TXNRD3: variants seen among roughly 807,000 people sequenced by gnomAD.
The protein encoded by TXNRD3 is TXNRD3 neighbor gene protein.
In TXNRD3, 68 loss-of-function variants were observed where a neutral mutation model predicts 78.2. That is an observed-to-expected ratio of 0.87 (90% confidence interval 0.72 to 1.06). The LOEUF is 1.06. TXNRD3 is among the 50% of genes least tolerant of loss of function. TXNRD3 has a pLI of 0.00. For missense variants in TXNRD3, 751 were observed against 809.5 expected, an observed-to-expected ratio of 0.93 and a Z score of 0.88; for synonymous variants, 296 against 300.1, an observed-to-expected ratio of 0.99 and a Z score of 0.14.
chr3:126,644,832 C>G (rs753285476), intron 3 of TXNRD3, among the ~76,000 whole-genome samples: 2 of 152,226 alleles, frequency 1.3e-5, no homozygotes, highest in Non-Finnish European at 2.9e-5. Context: ...GTCATGGCTT[C>G]TCATAAATCG....
intron 6 of TXNRD3, among the ~76,000 whole-genome samples, chr3:126,636,294 T>C (rs141348885): frequency 3.7e-4 from 57 of 152,330 alleles, no homozygotes; most frequent in African/African-American, 1.2e-3. Context: ...ACATAACTCA[T>C]ACATTTAAAA....
intron 6 of TXNRD3, among the ~76,000 whole-genome samples, chr3:126,639,508 G>A (rs564669197): frequency 6.6e-6 from 1 of 152,224 alleles, no homozygotes; most frequent in African/African-American, 2.4e-5. Flanking sequence ...AACTCTACCA[G>A]GATGTTCCCA....
chr3:126,635,757 T>C (rs924881549), intron 6 of TXNRD3, among the ~76,000 whole-genome samples: 2 of 152,342 alleles, frequency 1.3e-5, no homozygotes, highest in East Asian at 1.9e-4. Flanking sequence ...ATATATCCTG[T>C]ACATTCCTGG....
intron 12 of TXNRD3, among the ~76,000 whole-genome samples, 178 bp from the exon 13 acceptor site, chr3:126,615,640 G>A (rs541560014): frequency 6.6e-6 from 1 of 152,302 alleles, no homozygotes; most frequent in South Asian, 2.1e-4. Flanking sequence ...ATGGGCCCCT[G>A]ACTCAGGGGA....
chr3:126,626,304 C>T (rs1044938564), intron 10 of TXNRD3, among the ~76,000 whole-genome samples: 10 of 152,056 alleles, frequency 6.6e-5, no homozygotes, highest in Admixed American at 2.6e-4. Flanking sequence ...TAAAATTGAA[C>T]TTCATAAACA....
At chr3:126,653,276 A>T (rs973285200) in intron 1 of TXNRD3, among the ~76,000 whole-genome samples, 1 of 152,250 alleles carries the variant, frequency 6.6e-6, no homozygotes, top group Admixed American at 6.5e-5. Flanking sequence ...GTTTCCAAGA[A>T]CCTATCAACA....
Position 126,654,866 on chromosome 3 carries a change from G to T in TXNRD3, c.125C>A (p.Ser42Tyr). The T allele has an allele frequency of 2.2e-6, 3 of 1,340,140 alleles. No homozygotes were observed. The highest frequency in any genetic ancestry group is 2.8e-6 in the Non-Finnish European group (3 of 1,053,626). 83.0% of individuals were successfully genotyped at this position (1,340,140 alleles called of 1,614,324 possible). A position where few individuals can be genotyped will look rare whatever the true frequency, so the allele number is the denominator to read the frequency against. Residue 42 changes from serine to tyrosine, a missense_variant, in exon 1 of 16, where the codon TCC becomes TAC. By Grantham distance (144) the Ser-to-Tyr change is moderately radical. Coordinates refer to ENST00000524230, the MANE Select transcript of TXNRD3 (RefSeq NM_052883.3). ...CTCGGACGAGCGGCTGGGCCCGGGG[G>T]ACGACAGGCGGGCACGGCGCCCCGG...
chr3:126,652,240 G>A (rs772674022), intron 1 of TXNRD3, among the ~76,000 whole-genome samples: 2 of 152,016 alleles, frequency 1.3e-5, no homozygotes, highest in Non-Finnish European at 1.5e-5. Context: ...CAGTGGGGTG[G>A]GGAGATGCTA....
At chr3:126,627,287 G>A (rs750577298) in intron 10 of TXNRD3, among the ~76,000 whole-genome samples, 2 of 152,168 alleles carry the variant, frequency 1.3e-5, no homozygotes, top group African/African-American at 4.8e-5. Context: ...CTGAATAAAA[G>A]AAGTCAGATA....
intron 11 of TXNRD3, 82 bp from the exon 12 acceptor site, chr3:126,621,980 CTAAA>C (rs1938468286): frequency 8.6e-7 from 1 of 1,161,090 alleles, no homozygotes; most frequent in Non-Finnish European, 1.1e-6. Context: ...AGCCAAAAGA[CTAAA>C]TACATAGAAG....
chr3:126,654,166 C>T (rs1933454346), intron 1 of TXNRD3, among the ~76,000 whole-genome samples: 2 of 152,142 alleles, frequency 1.3e-5, no homozygotes, highest in Admixed American at 6.5e-5. Context: ...AAACTATACA[C>T]ATCAATGTAA....
Position 126,655,052 on chromosome 3 carries a change from G to A in TXNRD3, c.-62C>T, listed in dbSNP as rs1933483520. 2 of 1,287,484 alleles carry A rather than the reference G, an allele frequency of 1.6e-6. No individual in the cohort carries two copies. The highest frequency in any genetic ancestry group is 1.6e-5 in the African/African-American group (1 of 64,252). 79.8% of individuals were successfully genotyped at this position (1,287,484 alleles called of 1,614,324 possible). On this transcript the variant is annotated 5_prime_UTR_variant, in exon 1 of 16. Coordinates refer to ENST00000524230, the MANE Select transcript of TXNRD3 (RefSeq NM_052883.3). ...CACAAACCGAAACGCAGGCGGCTGC[G>A]GCGCCGGGACGGGGCCTGAGGGGCG...
rs1030690376 is a variant in TXNRD3, at chr3:126,644,362, C to T, written c.454G>A (p.Asp152Asn). The change falls in exon 4 of 16, where the codon GAT (aspartate) becomes AAT (asparagine). Residue 152 changes from aspartate (D) to asparagine (N), a missense_variant. By Grantham distance (23) the Asp-to-Asn change is conservative. Transcript: ENST00000524230. Reference sequence around the variant, plus strand: ...ATGAGATCATAATCATATGCCAAATCTTCCTGAAGGAGCTTCTGTAACAAA... The same window carrying T: ...ATGAGATCATAATCATATGCCAAATTTTCCTGAAGGAGCTTCTGTAACAAA... The T allele has an allele frequency of 6.5e-7, 1 of 1,536,208 alleles. No individual in the cohort carries two copies. Among genetic ancestry groups the T allele is most frequent in the African/African-American group, 1.4e-5 (1 of 73,046 alleles).
In TXNRD3 at chr3:126,654,955, TC is replaced by T; in HGVS notation, c.35del (p.Gly12GlufsTer58). The T allele has an allele frequency of 3.1e-6, 4 of 1,296,784 alleles. No homozygotes were observed. The highest frequency in any genetic ancestry group is 2.4e-5 in the South Asian group (1 of 41,046). 80.3% of individuals were successfully genotyped at this position (1,296,784 alleles called of 1,614,324 possible). A position where few individuals can be genotyped will look rare whatever the true frequency, so the allele number is the denominator to read the frequency against. On this transcript the variant is annotated frameshift_variant, in exon 1 of 16. Coordinates refer to ENST00000524230, the MANE Select transcript of TXNRD3 (RefSeq NM_052883.3). LOFTEE classifies it high-confidence loss of function. ...GGCGGTTGGGGGCATCGCCCGCCTT[TC>T]CCGGCCCGGGCGACTGCGGCGGCGA...
At chr3:126,642,484 T>C (rs1368677175) in intron 5 of TXNRD3, among the ~76,000 whole-genome samples, 1 of 152,238 alleles carries the variant, frequency 6.6e-6, no homozygotes, top group East Asian at 1.9e-4. Context: ...CTCCCAGCCC[T>C]GTACTCTCCA....
chr3:126,642,642 G>C (rs1933122412), intron 5 of TXNRD3, among the ~76,000 whole-genome samples: 1 of 152,106 alleles, frequency 6.6e-6, no homozygotes, highest in East Asian at 1.9e-4. Flanking sequence ...CAGGTGTTCT[G>C]GTATCCCAGA....
At chr3:126,608,248 C>T (rs935750802) in intron 15 of TXNRD3, among the ~76,000 whole-genome samples, 7 of 152,084 alleles carry the variant, frequency 4.6e-5, no homozygotes, top group African/African-American at 1.7e-4. Flanking sequence ...GTAGTCCCAG[C>T]TACTCAGGAG....
At chr3:126,616,830 G>A (rs763265534) in intron 12 of TXNRD3, among the ~76,000 whole-genome samples, 28 of 152,174 alleles carry the variant, frequency 1.8e-4, no homozygotes, top group Non-Finnish European at 4.0e-4. Flanking sequence ...ACACAGGTAA[G>A]TTATCCATCA....
At chr3:126,647,388 G>T in intron 1 of TXNRD3, 92 bp from the exon 2 acceptor site, 1 of 948,700 alleles carries the variant, frequency 1.1e-6, no homozygotes, top group Non-Finnish European at 1.6e-6. Flanking sequence ...AACAATAAAT[G>T]TTCTGGAGGA....
Sources: gnomAD v4.1 joint callset for allele counts (sites outside exome capture counted in the v4.1 genomes callset) on GRCh38, gnomAD v4.1.1 for gene constraint, MANE v1.5 for transcripts, NCBI Gene and HGNC (gene_info 2026-07-23, HGNC 2026-07-21) for gene names.